The following ALK variants were observed in gnomAD, a reference collection of about 807,000 sequenced individuals.
The protein encoded by ALK is ALK tyrosine kinase receptor.
Under a neutral mutation model 163.1 loss-of-function variants are expected in ALK, and 74 were observed. The ratio of observed to expected loss-of-function variants is 0.45; its 90% CI spans 0.38 to 0.55. The LOEUF (loss-of-function observed/expected upper bound fraction) is 0.55, where lower values mean the gene tolerates loss of function less well. Ranked by LOEUF, ALK falls within the 20% of genes least tolerant of loss-of-function variation. The pLI, the probability that ALK is intolerant of heterozygous loss-of-function variation, is 0.00. For missense variants in ALK, 2,063 were observed against 2,105.3 expected (o/e 0.98, Z 0.39); for synonymous variants, 960 against 843.2 (o/e 1.14, Z -2.40).
chr2:29,734,823 AATAG>A (rs1208805372), intron 1 of ALK, among the ~76,000 whole-genome samples: 5 of 152,092 alleles, frequency 3.3e-5, no homozygotes, highest in Non-Finnish European at 5.9e-5. Context: ...AAATAAATTT[AATAG>A]ATATTTTGGT....
intron 3 of ALK, among the ~76,000 whole-genome samples, chr2:29,606,867 G>T (rs951237204): frequency 5.9e-5 from 9 of 152,174 alleles, no homozygotes; most frequent in Admixed American, 5.9e-4. Context: ...CTAGTCCCCT[G>T]TCATACTTCC....
At chr2:29,345,681 G>T (rs1387490957) in intron 5 of ALK, among the ~76,000 whole-genome samples, 2 of 152,036 alleles carry the variant, frequency 1.3e-5, no homozygotes, top group African/African-American at 4.8e-5. Context: ...ACTCATAGCA[G>T]ATTATAATAC....
intron 4 of ALK, among the ~76,000 whole-genome samples, chr2:29,511,526 C>A (rs978162848): frequency 1.3e-5 from 2 of 152,056 alleles, no homozygotes; most frequent in Admixed American, 6.6e-5. Flanking sequence ...ACCACAATTT[C>A]TTTATCTATT....
chr2:29,420,177 A>G (rs994273614), intron 4 of ALK, among the ~76,000 whole-genome samples: 1 of 130,982 alleles, frequency 7.6e-6, no homozygotes, highest in Non-Finnish European at 1.6e-5. Context: ...AAAAAAAAAA[A>G]AGGTAGGGAC....
At chr2:29,744,268 A>C (rs1680145576) in intron 1 of ALK, among the ~76,000 whole-genome samples, 1 of 152,132 alleles carries the variant, frequency 6.6e-6, no homozygotes, top group Non-Finnish European at 1.5e-5. Context: ...TGTCCTTCCT[A>C]ATATCTCTGC....
intron 1 of ALK, among the ~76,000 whole-genome samples, chr2:29,788,099 C>G (rs535101992): frequency 6.6e-6 from 1 of 152,372 alleles, no homozygotes; most frequent in South Asian, 2.1e-4. Context: ...CAGCCTCTGT[C>G]TGCTCTTTAG....
intron 4 of ALK, among the ~76,000 whole-genome samples, chr2:29,445,304 C>A (rs1341886926): frequency 6.6e-6 from 1 of 152,216 alleles, no homozygotes; most frequent in Non-Finnish European, 1.5e-5. Context: ...GAAAAGAAAT[C>A]ATCCCCAGAG....
intron 1 of ALK, among the ~76,000 whole-genome samples, chr2:29,846,383 A>G (rs2148397900): frequency 6.6e-6 from 1 of 152,326 alleles, no homozygotes; most frequent in South Asian, 2.1e-4. Flanking sequence ...ACTCATCACT[A>G]TATAAAATTG....
chr2:29,510,374 G>A (rs970700805), intron 4 of ALK, among the ~76,000 whole-genome samples: 4 of 152,150 alleles, frequency 2.6e-5, no homozygotes, highest in Non-Finnish European at 5.9e-5. Flanking sequence ...TATTTGTTTA[G>A]CATCTTGCAA....
chr2:29,828,212 C>T (rs1176456159), intron 1 of ALK, among the ~76,000 whole-genome samples: 1 of 152,124 alleles, frequency 6.6e-6, no homozygotes, highest in African/African-American at 2.4e-5. Context: ...TCCATAAAAA[C>T]CCTAGAAGAA....
chr2:29,195,382 T>C (rs972129274), intron 28 of ALK, among the ~76,000 whole-genome samples: 1 of 151,512 alleles, frequency 6.6e-6, no homozygotes, highest in African/African-American at 2.4e-5. Context: ...GAGGATGGAG[T>C]AGTGAGGCTG....
At chr2:29,747,188 A>G (rs546346920) in intron 1 of ALK, among the ~76,000 whole-genome samples, 38 of 152,290 alleles carry the variant, frequency 2.5e-4, no homozygotes, top group African/African-American at 8.7e-4. Context: ...AAACTGTCCT[A>G]TGGAAAACTA....
At chr2:29,854,071 G>A (rs536781868) in intron 1 of ALK, among the ~76,000 whole-genome samples, 38 of 151,926 alleles carry the variant, frequency 2.5e-4, no homozygotes, top group African/African-American at 8.9e-4. Flanking sequence ...CACCGCACCC[G>A]GCCGGAATGT....
At chr2:29,665,512 C>G (rs1677487442) in intron 3 of ALK, among the ~76,000 whole-genome samples, 1 of 151,966 alleles carries the variant, frequency 6.6e-6, no homozygotes, top group African/African-American at 2.4e-5. Flanking sequence ...TTATGCCTAC[C>G]ATGGCCTGGA....
At chr2:29,477,030 T>G (rs1671542725) in intron 4 of ALK, among the ~76,000 whole-genome samples, 1 of 152,072 alleles carries the variant, frequency 6.6e-6, no homozygotes, top group Non-Finnish European at 1.5e-5. Context: ...AGCAGCAGGA[T>G]CTAGGTGCAG....
intron 4 of ALK, among the ~76,000 whole-genome samples, chr2:29,480,926 C>T (rs1194320435): frequency 6.6e-6 from 1 of 151,948 alleles, no homozygotes; most frequent in African/African-American, 2.4e-5. Context: ...TCTGCATTTC[C>T]AATGAGCTCC....
At chr2:29,713,683 C>T (rs1313248309) in intron 2 of ALK, among the ~76,000 whole-genome samples, 1 of 152,158 alleles carries the variant, frequency 6.6e-6, no homozygotes, top group African/African-American at 2.4e-5. Flanking sequence ...TCTAATGGCT[C>T]ACCTACTCCG....
intron 5 of ALK, among the ~76,000 whole-genome samples, chr2:29,348,628 G>A (rs953351869): frequency 2.6e-5 from 4 of 152,236 alleles, no homozygotes; most frequent in South Asian, 2.1e-4. Context: ...CTCACAGCTC[G>A]TATGGTAAGC....
chr2:29,266,820 T>G (rs1157417936), intron 11 of ALK, among the ~76,000 whole-genome samples: 1 of 152,198 alleles, frequency 6.6e-6, no homozygotes, highest in Non-Finnish European at 1.5e-5. Flanking sequence ...AGATTGATCC[T>G]AGGAATTCTG....
Sources: gnomAD v4.1 joint callset for allele counts (sites outside exome capture counted in the v4.1 genomes callset) on GRCh38, gnomAD v4.1.1 for gene constraint, MANE v1.5 for transcripts, NCBI Gene and HGNC (gene_info 2026-07-23, HGNC 2026-07-21) for gene names.